AP3D1: variants seen among roughly 807,000 people sequenced by gnomAD.
AP3D1 encodes AP-3 complex subunit delta-1.
Under a neutral mutation model 147.6 loss-of-function variants are expected in AP3D1, and 51 were observed. That is an observed-to-expected ratio of 0.35 (90% CI 0.28 to 0.44). AP3D1 has a LOEUF of 0.44. Ranked by LOEUF, AP3D1 falls within the 20% of genes least tolerant of loss-of-function variation. The pLI, the probability that AP3D1 is intolerant of heterozygous loss-of-function variation, is 1.00. For missense variants in AP3D1, 1,421 were observed against 1,624.2 expected, an observed-to-expected ratio of 0.87 and a Z score of 2.15; for synonymous variants, 760 against 663.0, an observed-to-expected ratio of 1.15 and a Z score of -2.25.
upstream of AP3D1, among the ~76,000 whole-genome samples, chr19:2,155,387 A>G (rs772908831): frequency 1.1e-4 from 16 of 149,350 alleles, no homozygotes; most frequent in Admixed American, 2.7e-4. Flanking sequence ...AAAACAAAAA[A>G]TTAGCTGGGT....
intron 20 of AP3D1, 102 bp from the exon 21 acceptor site, chr19:2,114,923 C>T (rs541055285): frequency 3.1e-6 from 4 of 1,287,470 alleles, no homozygotes; most frequent in Non-Finnish European, 4.5e-6. Flanking sequence ...GGGCCACACG[C>T]ACAGGTGGGC....
intron 21 of AP3D1, 108 bp downstream of exon 21, chr19:2,114,640 C>A: frequency 1.4e-6 from 1 of 728,310 alleles, no homozygotes. Context: ...GCACCCCACC[C>A]CAGCCTGCCC....
In AP3D1 at chr19:2,113,371, C is replaced by A; in HGVS notation, c.2644G>T (p.Ala882Ser). The A allele has an allele frequency of 4.3e-6, 6 of 1,411,410 alleles. No homozygotes were observed. The highest frequency in any genetic ancestry group is 5.5e-6 in the Non-Finnish European group (6 of 1,081,924). 87.4% of individuals were successfully genotyped at this position (1,411,410 alleles called of 1,614,324 possible). Reference protein sequence around the residue: ...DFWLSTTPPPAPAPAPAPVPS... With the variant: ...DFWLSTTPPPSPAPAPAPVPS... Reference sequence around the variant, plus strand: ...ACGGGGGCGGGGGCGGGGGCGGGGGCAGGCGGTGGGGTGGTAGACAGCCAG... The same window carrying A: ...ACGGGGGCGGGGGCGGGGGCGGGGGAAGGCGGTGGGGTGGTAGACAGCCAG... Residue 882 changes from alanine to serine, a missense_variant, in exon 23 of 32, where the codon GCC becomes TCC. Transcript: ENST00000643116.
intron 1 of AP3D1, among the ~76,000 whole-genome samples, chr19:2,161,876 G>C (rs1432659864): frequency 1.3e-5 from 2 of 151,878 alleles, no homozygotes; most frequent in African/African-American, 4.8e-5. Context: ...TGGAACCTAG[G>C]AGGCGCTGGT....
In AP3D1 at chr19:2,111,017, G is replaced by A. The variant is rs1435549499; in HGVS notation, c.2986-121C>T. On this transcript the variant is annotated intron_variant, in intron 26 of 31. Coordinates refer to ENST00000643116, the MANE Select transcript of AP3D1 (RefSeq NM_001261826.3). The stretch of plus-strand genomic sequence containing the variant: ...TCCCACAGGCACAGGAAGGCACGGA[G>A]AGGGGCGCCCCCTAGCCGCAGGCCA... 8 of 1,173,658 alleles carry A rather than the reference G, an allele frequency of 6.8e-6. No homozygotes were observed. The East Asian group carries it at 2.0e-4, about 30-fold the overall frequency. 72.7% of individuals were successfully genotyped at this position (1,173,658 alleles called of 1,614,324 possible). A position where few individuals can be genotyped will look rare whatever the true frequency, so the allele number is the denominator to read the frequency against.
rs1478908830 is a variant in AP3D1, at chr19:2,112,656, G to A, written c.2787+204C>T. 4 of 535,442 alleles carry A rather than the reference G, an allele frequency of 7.5e-6. No homozygotes were observed. The South Asian group carries it at 8.0e-5, about 11-fold the overall frequency. 33.2% of individuals were successfully genotyped at this position (535,442 alleles called of 1,614,324 possible). ...CATACTTCAAATGAATAAACTCTATGAGACTTATGAACCATGTGTGAATAA... is the reference window on the plus strand; with the variant it reads ...CATACTTCAAATGAATAAACTCTATAAGACTTATGAACCATGTGTGAATAA... On this transcript the variant is annotated intron_variant, in intron 24 of 31. Coordinates refer to ENST00000643116, the MANE Select transcript of AP3D1 (RefSeq NM_001261826.3).
Position 2,114,124 on chromosome 19 carries a change from C to CCTT in AP3D1, c.2599_2601dup (p.Lys867dup). ...GCCGCCGCCCTGGGCACTAGCCTTACCTTCTTCTCCTTCTCCTTCTTCTTC... is the reference window on the plus strand; with the variant it reads ...GCCGCCGCCCTGGGCACTAGCCTTACCTTCTTCTTCTCCTTCTCCTTCTTCTTC... On this transcript the variant is annotated inframe_insertion and splice_region_variant. Transcript: ENST00000643116. 1.6e-6 allele frequency: 2 copies of CCTT among 1,269,398 alleles called. No homozygotes were observed. Among genetic ancestry groups the CCTT allele is most frequent in the Non-Finnish European group, 2.2e-6 (2 of 906,692 alleles). The allele number at this position is 1,269,398 out of a possible 1,614,324, so 78.6% of individuals were successfully genotyped here. A position where few individuals can be genotyped will look rare whatever the true frequency, so the allele number is the denominator to read the frequency against.
Position 2,136,163 on chromosome 19 carries a change from A to G in AP3D1, c.354+848T>C, listed in dbSNP as rs2019072578. 3.3e-5 allele frequency among the ~76,000 whole-genome samples: 5 copies of G among 152,306 alleles called. 1 individual carries two copies. The South Asian group carries it at 1.0e-3, about 32-fold the overall frequency. On this transcript the variant is annotated intron_variant, in intron 4 of 31. Coordinates refer to ENST00000643116, the MANE Select transcript of AP3D1 (RefSeq NM_001261826.3). Reference sequence around the variant, plus strand: ...GCATGTCGCCCGCGGCCCAGGCGGGACGCCCAGCTCTATAACCTTGCCCAC... The same window carrying G: ...GCATGTCGCCCGCGGCCCAGGCGGGGCGCCCAGCTCTATAACCTTGCCCAC...
chr19:2,117,766 C>T (rs2018499784), intron 15 of AP3D1, among the ~76,000 whole-genome samples: 1 of 152,248 alleles, frequency 6.6e-6, no homozygotes, highest in Non-Finnish European at 1.5e-5. Context: ...TGGCCAGCCC[C>T]GAGCTAATGC....
chr19:2,118,236 TAC>T (rs1373535178), intron 15 of AP3D1, among the ~76,000 whole-genome samples: 1 of 152,024 alleles, frequency 6.6e-6, no homozygotes, highest in Non-Finnish European at 1.5e-5. Context: ...GGCACAGGTG[TAC>T]AGTCTGCTCA....
At chr19:2,140,846 C>A (rs1800695663) in intron 1 of AP3D1, among the ~76,000 whole-genome samples, 1 of 150,190 alleles carries the variant, frequency 6.7e-6, no homozygotes, top group African/African-American at 2.4e-5. Flanking sequence ...GCAACCTTCA[C>A]CTCCCAGGTT....
chr19:2,143,666 T>C (rs1229649874), intron 1 of AP3D1, among the ~76,000 whole-genome samples: 4 of 151,472 alleles, frequency 2.6e-5, no homozygotes, highest in Non-Finnish European at 5.9e-5. Flanking sequence ...ACTTGCAAGG[T>C]TGAGGTAAGA....
At chr19:2,106,105 T>C (rs892846929) in intron 31 of AP3D1, among the ~76,000 whole-genome samples, 4 of 151,436 alleles carry the variant, frequency 2.6e-5, no homozygotes, top group African/African-American at 9.7e-5. Context: ...AAAAAAAGAA[T>C]GGCTGCTGTC....
At chr19:2,160,591 C>T (rs747943285) in intron 1 of AP3D1, among the ~76,000 whole-genome samples, 24 of 152,078 alleles carry the variant, frequency 1.6e-4, no homozygotes, top group African/African-American at 5.6e-4. Flanking sequence ...CCAGTCCATC[C>T]TCCACCAGCT....
intron 15 of AP3D1, among the ~76,000 whole-genome samples, chr19:2,117,609 C>A (rs1391810612): frequency 2.0e-5 from 3 of 152,248 alleles, no homozygotes; most frequent in Non-Finnish European, 2.9e-5. Flanking sequence ...GCTTTGCCCA[C>A]TGCAGAAATG....
Position 2,121,885 on chromosome 19 carries a change from G to A in AP3D1, c.956-6C>T. On this transcript the variant is annotated splice_polypyrimidine_tract_variant and splice_region_variant and intron_variant, in intron 11 of 31. Transcript: ENST00000643116. ...CAGCAGCCCCAGGTACTTCACTGCA[G>A]AGAGAGGCCAGAGCCGGGTCACTGG... The A allele has an allele frequency of 6.2e-7, 1 of 1,601,160 alleles. No homozygotes were observed. Among genetic ancestry groups the A allele is most frequent in the African/African-American group, 1.3e-5 (1 of 74,128 alleles).
intron 8 of AP3D1, 115 bp from the exon 9 acceptor site, chr19:2,127,316 G>T: frequency 8.9e-7 from 1 of 1,126,610 alleles, no homozygotes; most frequent in Non-Finnish European, 1.3e-6. Context: ...CAGGGAGTGT[G>T]CCCCAGGAGG....
At chr19:2,150,621 G>A (rs2019480667) in intron 1 of AP3D1, among the ~76,000 whole-genome samples, 1 of 152,174 alleles carries the variant, frequency 6.6e-6, no homozygotes, top group African/African-American at 2.4e-5. Flanking sequence ...CGGGGGCACT[G>A]GAGGCAACGC....
chr19:2,155,718 T>C (rs534991051), upstream of AP3D1, among the ~76,000 whole-genome samples: 74 of 151,948 alleles, frequency 4.9e-4, no homozygotes, highest in Non-Finnish European at 9.0e-4. Flanking sequence ...CCTTTTGTTT[T>C]CTGTATGGGT....
Sources: gnomAD v4.1 joint callset for allele counts (sites outside exome capture counted in the v4.1 genomes callset) on GRCh38, gnomAD v4.1.1 for gene constraint, MANE v1.5 for transcripts, NCBI Gene and HGNC (gene_info 2026-07-23, HGNC 2026-07-21) for gene names.